Variants in ABTB2 observed in about 807,000 individuals in gnomAD.
ABTB2 encodes ankyrin repeat and BTB domain containing 2.
ABTB2 carries 56 observed loss-of-function variants against 104.1 expected under a neutral mutation model. The observed-to-expected ratio is 0.54, with a 90% CI of 0.43 to 0.67. The LOEUF is 0.67. ABTB2 is among the 30% of genes least tolerant of loss of function. The pLI, the probability that ABTB2 is intolerant of heterozygous loss-of-function variation, is 0.00. For missense variants in ABTB2, 1,279 were observed against 1,407.7 expected (o/e 0.91, Z 1.46); for synonymous variants, 606 against 608.2 (o/e 1.00, Z 0.05).
At chr11:34,248,133 C>A (rs1378989099) in intron 1 of ABTB2, among the ~76,000 whole-genome samples, 1 of 110,188 alleles carries the variant, frequency 9.1e-6, no homozygotes, top group Non-Finnish European at 1.8e-5. Context: ...CAGGGTCTTG[C>A]CCTGTCACCC....
intron 3 of ABTB2, among the ~76,000 whole-genome samples, chr11:34,185,298 T>C (rs1251442946): frequency 6.6e-6 from 1 of 151,862 alleles, no homozygotes; most frequent in East Asian, 1.9e-4. Context: ...GGGATGGGGG[T>C]CATGGAGGGG....
At chr11:34,320,481 C>T (rs956082192) in intron 1 of ABTB2, among the ~76,000 whole-genome samples, 2 of 152,176 alleles carry the variant, frequency 1.3e-5, no homozygotes, top group Admixed American at 6.5e-5. Flanking sequence ...TAGACCATTT[C>T]AATGCCTCCA....
chr11:34,311,714 C>A (rs1350274251), intron 1 of ABTB2, among the ~76,000 whole-genome samples: 1 of 152,224 alleles, frequency 6.6e-6, no homozygotes, highest in Non-Finnish European at 1.5e-5. Flanking sequence ...TACTAGTATT[C>A]TTTCCTAGGG....
At chr11:34,214,184 T>C (rs947254973) in intron 1 of ABTB2, among the ~76,000 whole-genome samples, 1 of 83,348 alleles carries the variant, frequency 1.2e-5, no homozygotes, top group Admixed American at 1.1e-4. Context: ...ACAAAGTAAA[T>C]GGAGAAATTA....
chr11:34,333,206 AG>A (rs1284874560), intron 1 of ABTB2, among the ~76,000 whole-genome samples: 1 of 152,178 alleles, frequency 6.6e-6, no homozygotes, highest in Non-Finnish European at 1.5e-5. Flanking sequence ...TGAAGGTGGC[AG>A]GAGTCAGAAT....
Position 34,253,180 on chromosome 11 carries a change from G to A in ABTB2, c.884-48490C>T, listed in dbSNP as rs183110232. On this transcript the variant is annotated intron_variant, in intron 1 of 16. Coordinates refer to ENST00000435224, the MANE Select transcript of ABTB2 (RefSeq NM_145804.3). The stretch of plus-strand genomic sequence containing the variant: ...CACCCCCTTCTCCCATCTCACACCC[G>A]TCCCTGGGTCACTTGCCATCTCCAC... Among the ~76,000 whole-genome samples, 23 of 152,210 alleles carry A rather than the reference G, an allele frequency of 1.5e-4. No individual in the cohort carries two copies. In the East Asian group the frequency reaches 4.1e-3, roughly 27 times the overall value.
At chr11:34,203,523 G>C (rs1433710128) in intron 2 of ABTB2, among the ~76,000 whole-genome samples, 2 of 152,130 alleles carry the variant, frequency 1.3e-5, no homozygotes, top group African/African-American at 4.8e-5. Flanking sequence ...CTTCCTGTGG[G>C]GCCCCTCAGG....
At chr11:34,153,463 G>T (rs751888724) in intron 16 of ABTB2, among the ~76,000 whole-genome samples, 1 of 152,074 alleles carries the variant, frequency 6.6e-6, no homozygotes, top group Non-Finnish European at 1.5e-5. Flanking sequence ...CAACCTCCCG[G>T]GCTCAACTGA....
intron 3 of ABTB2, among the ~76,000 whole-genome samples, chr11:34,174,242 G>A (rs979580891): frequency 6.6e-6 from 1 of 151,258 alleles, no homozygotes; most frequent in Non-Finnish European, 1.5e-5. Context: ...GGAGAATGGC[G>A]TGAACCCGGG....
intron 1 of ABTB2, among the ~76,000 whole-genome samples, chr11:34,217,649 A>G (rs1344468700): frequency 6.6e-6 from 1 of 152,070 alleles, no homozygotes; most frequent in African/African-American, 2.4e-5. Context: ...TTTAGTAGAG[A>G]CGGGGTTTCT....
intron 1 of ABTB2, among the ~76,000 whole-genome samples, chr11:34,307,740 C>T (rs1854795294): frequency 6.6e-6 from 1 of 151,886 alleles, no homozygotes; most frequent in South Asian, 2.1e-4. Flanking sequence ...GCTCTGTCGC[C>T]CAGGCTGGAG....
At chr11:34,249,236 C>A (rs970462305) in intron 1 of ABTB2, among the ~76,000 whole-genome samples, 2 of 152,194 alleles carry the variant, frequency 1.3e-5, no homozygotes, top group African/African-American at 4.8e-5. Context: ...TCAATGGGAC[C>A]ACCACTGAAT....
chr11:34,161,031 A>G lies in ABTB2; in HGVS notation c.2269T>C (p.Ser757Pro). Reference protein sequence around the residue: ...IWIESLRTSFSQSRYSVVQSL... With the variant: ...IWIESLRTSFPQSRYSVVQSL... ...TGCACCACCGAGTACCGCGACTGCG[A>G]GAACGAGGTCCTCAGAGACTCGATC... The change falls in exon 11 of 17, where the codon TCG becomes CCG. Residue 757 changes from serine to proline, a missense_variant. Transcript: ENST00000435224. 6.2e-7 allele frequency: 1 copy of G among 1,613,160 alleles called. No individual in the cohort carries two copies.
intron 1 of ABTB2, among the ~76,000 whole-genome samples, chr11:34,245,810 A>G (rs1310858132): frequency 6.6e-6 from 1 of 152,198 alleles, no homozygotes; most frequent in African/African-American, 2.4e-5. Flanking sequence ...GCACCAGTAG[A>G]GGTGAAAAGC....
At chr11:34,253,223 C>T (rs1854077343) in intron 1 of ABTB2, among the ~76,000 whole-genome samples, 3 of 152,204 alleles carry the variant, frequency 2.0e-5, no homozygotes. Context: ...GAGGCCTCAC[C>T]TGGGCCAGAA....
intron 1 of ABTB2, among the ~76,000 whole-genome samples, chr11:34,332,263 G>T (rs929009945): frequency 7.8e-6 from 1 of 128,968 alleles, no homozygotes; most frequent in African/African-American, 3.2e-5. Flanking sequence ...CAAATTTGGA[G>T]CATTCACCCT....
rs1452233617 is a variant in ABTB2 at position 34,357,035 on chromosome 11, G to A, written c.549C>T (p.Ser183=). 4 of 1,542,042 alleles carry A rather than the reference G, an allele frequency of 2.6e-6. No individual in the cohort carries two copies. Among genetic ancestry groups the A allele is most frequent in the African/African-American group, 1.4e-5 (1 of 73,440 alleles). The part of the protein sequence containing the change: ...SCALAAVKAL[S]LYSMSAGDGL... ...CGTCGCCGGCGCTCATGCTGTACAG[G>A]GACAGCGCCTTGACGGCTGCCAGCG... is the stretch of plus-strand genomic sequence containing the variant. The change falls in exon 1 of 17, where the codon TCC becomes TCT. Residue 183 remains serine, a synonymous_variant. Transcript: ENST00000435224.
chr11:34,334,609 C>T (rs1423824389), intron 1 of ABTB2, among the ~76,000 whole-genome samples: 2 of 152,180 alleles, frequency 1.3e-5, no homozygotes. Flanking sequence ...CAACCATCTA[C>T]ATGCATCTAA....
chr11:34,334,786 A>C (rs1855174287), intron 1 of ABTB2, among the ~76,000 whole-genome samples: 1 of 148,582 alleles, frequency 6.7e-6, no homozygotes, highest in Admixed American at 6.7e-5. Flanking sequence ...TTTTTTTCGT[A>C]ACCAAATGTG....
Sources: allele counts gnomAD v4.1 joint callset (sites outside exome capture counted in the v4.1 genomes callset), GRCh38; gene constraint gnomAD v4.1.1; transcripts MANE v1.5; gene names NCBI Gene and HGNC (gene_info 2026-07-23, HGNC 2026-07-21).